Variants in TAGLN2 observed in about 807,000 individuals in gnomAD.
TAGLN2 encodes the protein transgelin-2.
In TAGLN2, 14 loss-of-function variants were observed where a neutral mutation model predicts 24.9. That is an observed-to-expected ratio of 0.56 (90% CI 0.37 to 0.88). The LOEUF (loss-of-function observed/expected upper bound fraction) is 0.88. Ranked by LOEUF, TAGLN2 falls within the 40% of genes least tolerant of loss-of-function variation. The probability of loss-of-function intolerance (pLI) is 0.00; values close to 1 mark genes in which losing one functional copy is unlikely to be tolerated. For missense variants in TAGLN2, 208 were observed against 258.9 expected (o/e 0.80, Z 1.35); for synonymous variants, 77 against 98.2 (o/e 0.78, Z 1.28).
chr1:159,920,256 T>G (rs1264383351), intron 2 of TAGLN2, 74 bp downstream of exon 2: 2 of 1,611,232 alleles, frequency 1.2e-6, no homozygotes, highest in African/African-American at 2.7e-5. Context: ...CCTCTTCAGG[T>G]TAAACAATCC....
At chr1:159,922,586 G>A (rs1212532152) in intron 1 of TAGLN2, among the ~76,000 whole-genome samples, 1 of 152,160 alleles carries the variant, frequency 6.6e-6, no homozygotes, top group African/African-American at 2.4e-5. Context: ...GAAGAGGAAG[G>A]GGCTAAGAGC....
chr1:159,918,699 C>T lies in TAGLN2; in HGVS notation c.*101G>A. 6.6e-7 allele frequency: 1 copy of T among 1,505,884 alleles called. No individual in the cohort carries two copies. The highest frequency in any genetic ancestry group is 8.9e-7 in the Non-Finnish European group (1 of 1,118,124). The allele number at this position is 1,505,884 out of a possible 1,614,324, so 93.3% of individuals were successfully genotyped here. ...AACCCCCCACCCTGACAGAAAGGAG[C>T]TTGAGAGCTCTGGGGCTCTCTGGGA... On this transcript the variant is annotated 3_prime_UTR_variant, in exon 5 of 5. Transcript: ENST00000368097.
chr1:159,920,860 C>G (rs551229855), intron 1 of TAGLN2, among the ~76,000 whole-genome samples: 3 of 152,116 alleles, frequency 2.0e-5, no homozygotes, highest in African/African-American at 7.2e-5. Context: ...ACTATCTGTG[C>G]TAGGGATTGT....
intron 4 of TAGLN2, 155 bp downstream of exon 4, chr1:159,919,118 TC>T: frequency 8.0e-7 from 1 of 1,252,580 alleles, no homozygotes; most frequent in Non-Finnish European, 1.1e-6. Context: ...TCATTTGCCA[TC>T]CCAGAGGGTG....
intron 1 of TAGLN2, among the ~76,000 whole-genome samples, chr1:159,922,996 G>A (rs1650585301): frequency 6.6e-6 from 1 of 152,216 alleles, no homozygotes; most frequent in African/African-American, 2.4e-5. Flanking sequence ...CAGAGCCATA[G>A]GGCGGGGTCC....
chr1:159,918,794 G>A lies in TAGLN2; in HGVS notation c.*6C>T. Reference sequence around the variant, plus strand: ...TGGGAGGGCAGGGGCAAGGCCTGGGGTGGGATCAGAGGATCTGGCGTGGCA... The same window carrying A: ...TGGGAGGGCAGGGGCAAGGCCTGGGATGGGATCAGAGGATCTGGCGTGGCA... On this transcript the variant is annotated 3_prime_UTR_variant, in exon 5 of 5. Transcript: ENST00000368097. The A allele has an allele frequency of 1.2e-6, 2 of 1,613,910 alleles. No individual in the cohort carries two copies. Among genetic ancestry groups the A allele is most frequent in the Non-Finnish European group, 1.7e-6 (2 of 1,179,820 alleles).
chr1:159,923,687 G>A (rs762454021), intron 1 of TAGLN2: 55 of 474,786 alleles, frequency 1.2e-4, no homozygotes, highest in Admixed American at 7.5e-4. Context: ...CACAATTAAG[G>A]GAACCACCGT....
rs770944821 is a variant in TAGLN2, at chr1:159,919,761, C to T, written c.255G>A (p.Met85Ile). 141 of 1,613,934 alleles carry T rather than the reference C, an allele frequency of 8.7e-5. 1 individual carries two copies. The Middle Eastern group carries it at 1.3e-3, about 15-fold the overall frequency. Residue 85 changes from methionine (M) to isoleucine (I), a missense_variant, in exon 3 of 5, where the codon ATG becomes ATA. Physicochemically the swap from Met to Ile is conservative, Grantham distance 10. Coordinates refer to ENST00000368097, the MANE Select transcript of TAGLN2 (RefSeq NM_003564.3). ...AGATCTGCTCCATCTGCTTGAAGGC[C>T]ATGGTGGAGGCCTGGATCTTCTTTA... Reference protein sequence around the residue: ...APVKKIQASTMAFKQMEQISQ... With the variant: ...APVKKIQASTIAFKQMEQISQ...
intron 2 of TAGLN2, 97 bp downstream of exon 2, chr1:159,920,233 C>T (rs1650484554): frequency 6.3e-7 from 1 of 1,580,246 alleles, no homozygotes; most frequent in Non-Finnish European, 8.7e-7. Context: ...GACATGTGTG[C>T]CTTCAGTCTT....
chr1:159,920,174 G>C, intron 2 of TAGLN2, 156 bp downstream of exon 2: 1 of 1,217,974 alleles, frequency 8.2e-7, no homozygotes, highest in Non-Finnish European at 1.2e-6. Context: ...GGAAAGCATG[G>C]GCCCTCTCAC....
In TAGLN2 at chr1:159,918,525, C is replaced by T. The variant is rs1026919840; in HGVS notation, c.*275G>A. ...AGAGACAGAATAGGCCAGGGCATGG[C>T]GGTGAGGGACTGAGGCCCCTAAATT... is the stretch of plus-strand genomic sequence containing the variant. On this transcript the variant is annotated 3_prime_UTR_variant, in exon 5 of 5. Coordinates refer to ENST00000368097, the MANE Select transcript of TAGLN2 (RefSeq NM_003564.3). The T allele has an allele frequency of 1.4e-5, 6 of 418,028 alleles. No homozygotes were observed. Among genetic ancestry groups the T allele is most frequent in the African/African-American group, 8.1e-5 (4 of 49,358 alleles). The allele number at this position is 418,028 out of a possible 1,614,324, so 25.9% of individuals were successfully genotyped here.
In TAGLN2 at chr1:159,919,784, T is replaced by C. The variant is rs770152727; in HGVS notation, c.232A>G (p.Lys78Glu). Residue 78 changes from lysine to glutamate, a missense_variant, in exon 3 of 5, where the codon AAG becomes GAG. Physicochemically the swap from Lys to Glu is moderately conservative, Grantham distance 56. Coordinates refer to ENST00000368097, the MANE Select transcript of TAGLN2 (RefSeq NM_003564.3). ...ALYPEGQAPVKKIQASTMAFK... is the reference protein window; with the variant it reads ...ALYPEGQAPVEKIQASTMAFK... ...GCCATGGTGGAGGCCTGGATCTTCTTTACTGGGGCCTGCCCCTCGGGGTAC... is the reference window on the plus strand; with the variant it reads ...GCCATGGTGGAGGCCTGGATCTTCTCTACTGGGGCCTGCCCCTCGGGGTAC... 3 of 1,614,120 alleles carry C rather than the reference T, an allele frequency of 1.9e-6. No homozygotes were observed. The South Asian group carries it at 3.3e-5, about 18-fold the overall frequency.
In TAGLN2 at chr1:159,918,681, C is replaced by T. The variant is rs139865543; in HGVS notation, c.*119G>A. The T allele has an allele frequency of 9.1e-6, 13 of 1,431,282 alleles. 1 individual carries two copies. Among genetic ancestry groups the T allele is most frequent in the Admixed American group, 8.3e-5 (4 of 48,332 alleles). The allele number at this position is 1,431,282 out of a possible 1,614,324, so 88.7% of individuals were successfully genotyped here. A position where few individuals can be genotyped will look rare whatever the true frequency, so the allele number is the denominator to read the frequency against. Reference sequence around the variant, plus strand: ...AGGTGACAGGACAGGCTGAACCCCCCACCCTGACAGAAAGGAGCTTGAGAG... The same window carrying T: ...AGGTGACAGGACAGGCTGAACCCCCTACCCTGACAGAAAGGAGCTTGAGAG... On this transcript the variant is annotated 3_prime_UTR_variant, in exon 5 of 5. Transcript: ENST00000368097.
At chr1:159,923,168 G>A (rs1206050977) in intron 1 of TAGLN2, among the ~76,000 whole-genome samples, 3 of 152,338 alleles carry the variant, frequency 2.0e-5, no homozygotes, top group South Asian at 4.1e-4. Flanking sequence ...CAAACATAAA[G>A]AAAACAGTAA....
chr1:159,922,676 C>A (rs565029037), intron 1 of TAGLN2, among the ~76,000 whole-genome samples: 1 of 152,314 alleles, frequency 6.6e-6, no homozygotes, highest in East Asian at 1.9e-4. Context: ...GGGCTGTTTC[C>A]AGGGACCAAG....
chr1:159,919,230 A>G, intron 4 of TAGLN2, 44 bp downstream of exon 4: 1 of 1,573,034 alleles, frequency 6.4e-7, no homozygotes, highest in Non-Finnish European at 8.8e-7. Flanking sequence ...TTGGGCAGAA[A>G]CAATGCACCT....
In TAGLN2 at chr1:159,920,531, C is replaced by T. The variant is rs1403231609; in HGVS notation, c.-22G>A. The T allele has an allele frequency of 2.1e-5, 34 of 1,613,188 alleles. 1 individual carries two copies. In the East Asian group the frequency reaches 3.3e-4, roughly 16 times the overall value. ...CCATTCCAATGGGTGGCGGTGGCTG[C>T]GGGGAGCTAGGGAGAGGACACACCC... On this transcript the variant is annotated 5_prime_UTR_variant, in exon 2 of 5. Coordinates refer to ENST00000368097, the MANE Select transcript of TAGLN2 (RefSeq NM_003564.3).
In TAGLN2 at chr1:159,919,783, T is replaced by A; in HGVS notation, c.233A>T (p.Lys78Met). Residue 78 changes from lysine (K) to methionine (M), a missense_variant, in exon 3 of 5, where the codon AAG becomes ATG. Physicochemically the swap from Lys to Met is moderately conservative, Grantham distance 95. Coordinates refer to ENST00000368097, the MANE Select transcript of TAGLN2 (RefSeq NM_003564.3). The part of the protein sequence containing the change: ...ALYPEGQAPV[K>M]KIQASTMAFK... ...GGCCATGGTGGAGGCCTGGATCTTC[T>A]TTACTGGGGCCTGCCCCTCGGGGTA... 4.3e-6 allele frequency: 7 copies of A among 1,614,118 alleles called. No homozygotes were observed. The highest frequency in any genetic ancestry group is 5.9e-6 in the Non-Finnish European group (7 of 1,180,014).
intron 1 of TAGLN2, among the ~76,000 whole-genome samples, chr1:159,920,877 G>T (rs1342046290): frequency 2.0e-5 from 3 of 152,206 alleles, no homozygotes; most frequent in African/African-American, 7.2e-5. Context: ...TTGTGAAAGA[G>T]ATAGTAGAAG....
Sources: allele counts gnomAD v4.1 joint callset (sites outside exome capture counted in the v4.1 genomes callset), GRCh38; gene constraint gnomAD v4.1.1; transcripts MANE v1.5; gene names NCBI Gene and HGNC (gene_info 2026-07-23, HGNC 2026-07-21).